ANKRD30A: variants seen among roughly 807,000 people sequenced by gnomAD.
ANKRD30A encodes the protein ankyrin repeat domain 30A.
A neutral mutation model predicts 166.3 loss-of-function variants in ANKRD30A; 170 were observed. The observed-to-expected ratio is 1.02, with a 90% CI of 0.90 to 1.16. The LOEUF is 1.16. Ranked by LOEUF, ANKRD30A falls within the 50% of genes most tolerant of loss-of-function variation. The probability of loss-of-function intolerance (pLI) is 0.00; values close to 1 mark genes in which losing one functional copy is unlikely to be tolerated. For synonymous variants in ANKRD30A, 564 were observed against 508.9 expected (o/e 1.11, Z -1.46); for missense variants, 1,630 against 1,518.0 (o/e 1.07, Z -1.23).
At chr10:37,248,033 A>C in the ANKRD30A span, 1 of 370,814 alleles carries the variant, frequency 2.7e-6, no homozygotes, top group Non-Finnish European at 5.3e-6. Context: ...AAACTGAAAA[A>C]AAAAAAAATC....
chr10:37,258,785 A>C, the ANKRD30A span, among the ~76,000 whole-genome samples: 1 of 151,780 alleles, frequency 6.6e-6, no homozygotes, highest in Non-Finnish European at 1.5e-5. Context: ...AACAAGGTGA[A>C]ACCCCTACTC....
rs759030265 is a variant in ANKRD30A at position 37,153,674 on chromosome 10, T to C, written c.1798+12T>C. On this transcript the variant is annotated intron_variant, in intron 13 of 35. Coordinates refer to ENST00000361713, the MANE Select transcript of ANKRD30A (RefSeq NM_052997.3). ...TGGAAAATTAGAAGGTAAGAACCGT[T>C]TTTTATTTAAAAATCAGTTGACCGA... The C allele has an allele frequency of 8.1e-6, 13 of 1,610,232 alleles. No homozygotes were observed. The highest frequency in any genetic ancestry group is 1.7e-5 in the Admixed American group (1 of 59,828).
chr10:37,243,573 T>A, the ANKRD30A span, among the ~76,000 whole-genome samples: 1 of 152,152 alleles, frequency 6.6e-6, no homozygotes. Context: ...CCTTTCATGC[T>A]TAGTATGTAG....
intron 34 of ANKRD30A, among the ~76,000 whole-genome samples, chr10:37,226,563 A>T (rs750547104): frequency 9.2e-5 from 14 of 151,752 alleles, no homozygotes; most frequent in Non-Finnish European, 1.9e-4. Context: ...CATTGTCTAG[A>T]TACATCAAAC....
rs560861614 is a variant in ANKRD30A at position 37,158,323 on chromosome 10, C to G, written c.1799-69C>G. Reference sequence around the variant, plus strand: ...ATGAGGATTCATCTTCATGTTCACACTGTGTGAATGTTCGGTAGGCTTTGT... The same window carrying G: ...ATGAGGATTCATCTTCATGTTCACAGTGTGTGAATGTTCGGTAGGCTTTGT... On this transcript the variant is annotated intron_variant, in intron 13 of 35. Transcript: ENST00000361713. 44 of 1,543,136 alleles carry G rather than the reference C, an allele frequency of 2.9e-5. 1 individual carries two copies. The highest frequency in any genetic ancestry group is 9.1e-5 in the South Asian group (8 of 87,432).
the ANKRD30A span, chr10:37,248,126 C>T: frequency 2.5e-5 from 15 of 602,726 alleles, no homozygotes; most frequent in East Asian, 8.3e-5. Flanking sequence ...AGATTTTCAC[C>T]GCTATGCCTC....
At chr10:37,161,001 C>T (rs369212657) in intron 15 of ANKRD30A, among the ~76,000 whole-genome samples, 1 of 151,932 alleles carries the variant, frequency 6.6e-6, no homozygotes, top group African/African-American at 2.4e-5. Flanking sequence ...CGCCTGTAAT[C>T]CCAGCACGTT....
chr10:37,201,459 T>G (rs1187193957), intron 31 of ANKRD30A, 134 bp downstream of exon 31: 1 of 572,704 alleles, frequency 1.7e-6, no homozygotes, highest in Non-Finnish European at 2.8e-6. Flanking sequence ...AGTGCAATGG[T>G]CATAAGTTAT....
At chr10:37,221,197 TAA>T (rs1266271335) in intron 34 of ANKRD30A, among the ~76,000 whole-genome samples, 2 of 151,050 alleles carry the variant, frequency 1.3e-5, no homozygotes, top group African/African-American at 4.8e-5. Context: ...GTGGATTCAG[TAA>T]TAAGCAGCAA....
At chr10:37,252,434 A>G in the ANKRD30A span, among the ~76,000 whole-genome samples, 4 of 152,192 alleles carry the variant, frequency 2.6e-5, no homozygotes, top group African/African-American at 9.6e-5. Context: ...GCACATGTAT[A>G]AAATAAAACT....
the ANKRD30A span, among the ~76,000 whole-genome samples, chr10:37,239,568 G>T: frequency 6.6e-6 from 1 of 152,050 alleles, no homozygotes; most frequent in Non-Finnish European, 1.5e-5. Flanking sequence ...AAAACCTATT[G>T]AAGTGAAAAA....
intron 34 of ANKRD30A, 128 bp downstream of exon 34, chr10:37,220,025 ATAT>A (rs1842827745): frequency 5.9e-5 from 8 of 134,668 alleles, no homozygotes; most frequent in Admixed American, 2.9e-4. Flanking sequence ...ATATATATAT[ATAT>A]AATATATGTA....
At chr10:37,218,935 C>T in intron 33 of ANKRD30A, 45 bp from the exon 34 acceptor site, 1 of 1,250,178 alleles carries the variant, frequency 8.0e-7, no homozygotes, top group East Asian at 2.4e-5. Flanking sequence ...CCATGATATG[C>T]CATTTTATTG....
chr10:37,167,287 A>AATATATATATATAT lies in ANKRD30A; in HGVS notation c.2155+594_2155+607dup, dbSNP rs61480898. 3.6e-3 allele frequency among the ~76,000 whole-genome samples: 455 copies of AATATATATATATAT among 126,598 alleles called. 41 individuals are homozygous for AATATATATATATAT. The highest frequency in any genetic ancestry group is 0.015 in the African/African-American group (422 of 28,472). The allele number at this position is 126,598 out of a possible 152,430, so 83.1% of individuals were successfully genotyped here. ...TTTTCTTTATTACTATGAGGCGTCA[A>AATATATATATATAT]ATATATATATATATAGATGTGTGCA... On this transcript the variant is annotated intron_variant, in intron 19 of 35. Transcript: ENST00000361713.
At chr10:37,255,830 G>T in the ANKRD30A span, among the ~76,000 whole-genome samples, 129 of 152,192 alleles carry the variant, frequency 8.5e-4, no homozygotes, top group African/African-American at 2.8e-3. Flanking sequence ...TCTATTTCTG[G>T]TAATCTATGA....
chr10:37,246,031 A>C, the ANKRD30A span, among the ~76,000 whole-genome samples: 1 of 152,194 alleles, frequency 6.6e-6, no homozygotes, highest in Non-Finnish European at 1.5e-5. Flanking sequence ...TGAGCCAAAC[A>C]CTAACTGATT....
chr10:37,129,111 G>A (rs749499270), intron 1 of ANKRD30A, among the ~76,000 whole-genome samples: 8 of 151,974 alleles, frequency 5.3e-5, no homozygotes, highest in African/African-American at 1.2e-4. Flanking sequence ...CTCCTTTTGC[G>A]TAGTACTCTT....
Position 37,219,851 on chromosome 10 carries a change from TA to T in ANKRD30A, c.4145del (p.Asn1382ThrfsTer44), listed in dbSNP as rs765393812. On this transcript the variant is annotated frameshift_variant, in exon 34 of 36. Coordinates refer to ENST00000361713, the MANE Select transcript of ANKRD30A (RefSeq NM_052997.3). LOFTEE classifies it high-confidence loss of function. Reference sequence around the variant, plus strand: ...GAGATATTTAATTACAATAACCATTTAAAAAACCGTATATATCAATATGAAA... The same window carrying T: ...GAGATATTTAATTACAATAACCATTTAAAAACCGTATATATCAATATGAAA... ...NEEIFNYNNH[L>X]KNRIYQYEKE... The T allele has an allele frequency of 2.5e-6, 4 of 1,576,484 alleles. No individual in the cohort carries two copies. Among genetic ancestry groups the T allele is most frequent in the African/African-American group, 2.8e-5 (2 of 72,662 alleles).
At chr10:37,195,865 GAGC>G (rs1280939264) in intron 27 of ANKRD30A, among the ~76,000 whole-genome samples, 18 of 151,502 alleles carry the variant, frequency 1.2e-4, no homozygotes, top group African/African-American at 3.9e-4. Context: ...ATTGGAAGAA[GAGC>G]AGTTGGATAG....
Sources: allele counts gnomAD v4.1 joint callset (sites outside exome capture counted in the v4.1 genomes callset), GRCh38; gene constraint gnomAD v4.1.1; transcripts MANE v1.5; gene names NCBI Gene and HGNC (gene_info 2026-07-23, HGNC 2026-07-21).